Variants in HHLA1 observed in about 807,000 individuals in gnomAD.
The protein encoded by HHLA1 is HHLA1 neighbor of OC90, also known as HERV-H LTR-associating protein 1.
HHLA1 carries 72 observed loss-of-function variants against 69.9 expected under a neutral mutation model. That is an observed-to-expected ratio of 1.03 (90% CI 0.85 to 1.25). The LOEUF (loss-of-function observed/expected upper bound fraction) is 1.25, where lower values mean the gene tolerates loss of function less well. Among genes scored for constraint, HHLA1 ranks in the 50% most tolerant of loss-of-function variants. The pLI is 0.00. For missense variants in HHLA1, 685 were observed against 642.2 expected (o/e 1.07, Z -0.72); for synonymous variants, 252 against 233.2 (o/e 1.08, Z -0.73).
chr8:132,105,131 G>T, intron 2 of HHLA1, 56 bp downstream of exon 2: 1 of 1,326,954 alleles, frequency 7.5e-7, no homozygotes. Context: ...AAAGCACAGT[G>T]AATACTCCAA....
At chr8:132,092,253 C>A (rs375184104) in intron 7 of HHLA1, among the ~76,000 whole-genome samples, 5 of 152,050 alleles carry the variant, frequency 3.3e-5, no homozygotes, top group African/African-American at 9.7e-5. Flanking sequence ...TTTAAAGCAA[C>A]GACTATAATT....
intron 10 of HHLA1, among the ~76,000 whole-genome samples, chr8:132,082,642 G>A (rs1200206451): frequency 2.6e-5 from 4 of 152,134 alleles, no homozygotes; most frequent in Admixed American, 6.5e-5. Context: ...AGCCTAATGG[G>A]TGTCAGAGTC....
Position 132,109,340 on chromosome 8 carries a change from C to T in HHLA1, c.-22+1762G>A, listed in dbSNP as rs889188885. On this transcript the variant is annotated intron_variant, in intron 1 of 16. Coordinates refer to ENST00000414222, the MANE Select transcript of HHLA1 (RefSeq NM_001145095.3). The stretch of plus-strand genomic sequence containing the variant: ...CTGGTCTTGATCTACCGGCCTCGGT[C>T]TCCCAAAGTGCTTGGATTGCAGGCG... Among the ~76,000 whole-genome samples the T allele has an allele frequency of 4.6e-5, 7 of 152,330 alleles. No homozygotes were observed. In the East Asian group the frequency reaches 1.3e-3, roughly 29 times the overall value.
chr8:132,077,715 C>A lies in HHLA1; in HGVS notation c.1171+11G>T. ...AAAACGGGAGAGGTAGAAGTGAGCA[C>A]CCTCTCTTACCCAAGGTAGGGCTGG... On this transcript the variant is annotated intron_variant, in intron 12 of 16. Transcript: ENST00000414222. 1 of 1,550,402 alleles carries A rather than the reference C, an allele frequency of 6.4e-7. No homozygotes were observed. Among genetic ancestry groups the A allele is most frequent in the Non-Finnish European group, 8.7e-7 (1 of 1,145,950 alleles).
intron 15 of HHLA1, among the ~76,000 whole-genome samples, chr8:132,069,365 T>G (rs1391876643): frequency 6.6e-6 from 1 of 150,404 alleles, no homozygotes; most frequent in Non-Finnish European, 1.5e-5. Context: ...GTTTTTTTTG[T>G]TTGTTTGTTT....
intron 12 of HHLA1, among the ~76,000 whole-genome samples, chr8:132,077,157 G>A (rs1823659237): frequency 6.6e-6 from 1 of 152,148 alleles, no homozygotes; most frequent in Admixed American, 6.5e-5. Flanking sequence ...TGGAAGGAAA[G>A]AGGTGAGGCT....
chr8:132,095,468 G>C (rs1019263400), intron 7 of HHLA1, 51 bp downstream of exon 7: 6 of 1,246,038 alleles, frequency 4.8e-6, no homozygotes, highest in Non-Finnish European at 6.9e-6. Context: ...TATCTAAAAG[G>C]ACACAAGCAA....
At position 132,079,880 on chromosome 8, in the gene HHLA1, T is replaced by C; in HGVS notation, c.763A>G (p.Thr255Ala). The change falls in exon 11 of 17, where the codon ACC becomes GCC. Residue 255 changes from threonine to alanine, a missense_variant. Physicochemically the swap from Thr to Ala is moderately conservative, Grantham distance 58 (BLOSUM62 0). Coordinates refer to ENST00000414222, the MANE Select transcript of HHLA1 (RefSeq NM_001145095.3). ...GCAGATGCCCAGGGTGTGCTCTGGG[T>C]CCAGTGTCCGGGGCTTGTACTTGGT... Reference protein sequence around the residue: ...TLPSTSPGHWTQSTPWASALR... With the variant: ...TLPSTSPGHWAQSTPWASALR... 3.2e-6 allele frequency: 5 copies of C among 1,552,088 alleles called. No homozygotes were observed. The highest frequency in any genetic ancestry group is 4.4e-6 in the Non-Finnish European group (5 of 1,147,076).
intron 7 of HHLA1, among the ~76,000 whole-genome samples, chr8:132,092,789 G>A (rs1260911966): frequency 6.6e-6 from 1 of 152,154 alleles, no homozygotes; most frequent in Non-Finnish European, 1.5e-5. Context: ...ATGTGAGAAT[G>A]GACTAATACA....
intron 3 of HHLA1, chr8:132,101,317 C>T (rs1289870883): frequency 1.9e-6 from 3 of 1,542,146 alleles, no homozygotes; most frequent in East Asian, 2.5e-5. Flanking sequence ...CCTGAAAGTA[C>T]AGCCTCAAAC....
chr8:132,083,356 C>T (rs1188641309), intron 10 of HHLA1, among the ~76,000 whole-genome samples: 1 of 151,976 alleles, frequency 6.6e-6, no homozygotes, highest in Non-Finnish European at 1.5e-5. Context: ...GGGAAACAGG[C>T]CCTTGAAAAG....
Position 132,098,949 on chromosome 8 carries a change from C to T in HHLA1, c.213G>A (p.Arg71=), listed in dbSNP as rs1298004755. ...AFLATTELPA[R]SIDLSALNLT... is the part of the protein sequence containing the mutation. ...GGTTAAGCGCGGACAGATCGATTGA[C>T]CTTGCGGGCAGCTCTGAAAGAGATT... The change falls in exon 5 of 17, where the codon AGG becomes AGA. Residue 71 remains arginine, a synonymous_variant. Transcript: ENST00000414222. 4 of 1,550,062 alleles carry T rather than the reference C, an allele frequency of 2.6e-6. No individual in the cohort carries two copies. In the Admixed American group the frequency reaches 5.9e-5, roughly 23 times the overall value.
At chr8:132,065,456 G>T (rs957765442) in intron 16 of HHLA1, among the ~76,000 whole-genome samples, 1 of 152,108 alleles carries the variant, frequency 6.6e-6, no homozygotes, top group African/African-American at 2.4e-5. Flanking sequence ...TAGTTTTTTT[G>T]TGTTTTTAGT....
At chr8:132,086,625 G>T (rs1183478754) in intron 10 of HHLA1, among the ~76,000 whole-genome samples, 1 of 152,192 alleles carries the variant, frequency 6.6e-6, no homozygotes, top group Non-Finnish European at 1.5e-5. Flanking sequence ...GTGTGTGTGT[G>T]TTGAGGGGGG....
At chr8:132,103,376 G>T (rs1229556816) in intron 3 of HHLA1, among the ~76,000 whole-genome samples, 1 of 152,188 alleles carries the variant, frequency 6.6e-6, no homozygotes, top group African/African-American at 2.4e-5. Context: ...CTAGCACTTT[G>T]GAAGGCCGAG....
At chr8:132,065,125 A>T (rs537753240) in intron 16 of HHLA1, among the ~76,000 whole-genome samples, 70 of 151,964 alleles carry the variant, frequency 4.6e-4, no homozygotes, top group Middle Eastern at 3.4e-3. Context: ...AGTGAGAGAT[A>T]AAAAAAAGCT....
At chr8:132,076,428 T>TCC in intron 13 of HHLA1, 47 bp downstream of exon 13, 1 of 359,442 alleles carries the variant, frequency 2.8e-6, no homozygotes, top group South Asian at 2.9e-5. Context: ...TTCCCACCCC[T>TCC]CCCATCCCCC....
In HHLA1 at chr8:132,087,695, T is replaced by C; in HGVS notation, c.634A>G (p.Ile212Val). 1.9e-6 allele frequency: 3 copies of C among 1,551,576 alleles called. No homozygotes were observed. The highest frequency in any genetic ancestry group is 2.6e-6 in the Non-Finnish European group (3 of 1,146,898). ...CCGCTGGTAAATGTGTAATTGATAA[T>C]GGGATATTTTTCTTCTATCTCCCAG... ...DFWEIEEKYP[I>V]INYTFTSGLS... Residue 212 changes from isoleucine to valine, a missense_variant, in exon 10 of 17, where the codon ATT becomes GTT. Ile to Val is a conservative substitution (Grantham distance 29). Transcript: ENST00000414222.
intron 7 of HHLA1, among the ~76,000 whole-genome samples, chr8:132,090,744 T>A (rs796657384): frequency 1.5e-4 from 20 of 134,364 alleles, no homozygotes; most frequent in African/African-American, 5.5e-4. Context: ...ATGGGCACCC[T>A]CTTTCTCTCT....
Sources: allele counts gnomAD v4.1 joint callset (sites outside exome capture counted in the v4.1 genomes callset), GRCh38; gene constraint gnomAD v4.1.1; transcripts MANE v1.5; gene names NCBI Gene and HGNC (gene_info 2026-07-23, HGNC 2026-07-21).